The following MTHFD1L variants were observed in gnomAD, a reference collection of about 807,000 sequenced individuals.
The protein encoded by MTHFD1L is methylenetetrahydrofolate dehydrogenase (NADP+ dependent) 1 like.
MTHFD1L carries 81 observed loss-of-function variants against 119.5 expected under a neutral mutation model. The observed-to-expected ratio is 0.68, with a 90% CI of 0.57 to 0.82. The LOEUF (loss-of-function observed/expected upper bound fraction) is 0.82. Ranked by LOEUF, MTHFD1L falls within the 40% of genes least tolerant of loss-of-function variation. The pLI, the probability that MTHFD1L is intolerant of heterozygous loss-of-function variation, is 0.00. For missense variants in MTHFD1L, 1,125 were observed against 1,253.4 expected (o/e 0.90, Z 1.55); for synonymous variants, 430 against 475.2 (o/e 0.90, Z 1.24).
rs1227078705 is a variant in MTHFD1L at position 151,039,944 on chromosome 6, ACATGCATACATG to A, written c.2847+2831_2847+2842del. ...TACATACATACATACATACATACAT[ACATGCATACATG>A]CATACATGCATACATAGAATGGCCT... On this transcript the variant is annotated intron_variant, in intron 26 of 27. Transcript: ENST00000367321. This position sits in a 1 kb window ranked among gnomAD's most constrained non-coding sequence, Gnocchi z 4.4. 1.4e-5 allele frequency among the ~76,000 whole-genome samples: 2 copies of A among 144,122 alleles called. No individual in the cohort carries two copies. Among genetic ancestry groups the A allele is most frequent in the Admixed American group, 7.5e-5 (1 of 13,248 alleles). 94.5% of individuals were successfully genotyped at this position (144,122 alleles called of 152,430 possible).
At chr6:150,974,089 A>G (rs1432028646) in intron 20 of MTHFD1L, among the ~76,000 whole-genome samples, 1 of 152,190 alleles carries the variant, frequency 6.6e-6, no homozygotes, top group Admixed American at 6.5e-5. Context: ...AGATGGTTCA[A>G]AGGGCAAGCC....
At chr6:150,919,328 A>G (rs1046399048) in intron 9 of MTHFD1L, among the ~76,000 whole-genome samples, 1 of 151,476 alleles carries the variant, frequency 6.6e-6, no homozygotes, top group African/African-American at 2.4e-5. Flanking sequence ...GGTTTAAGAG[A>G]TTCTCATGCC....
At chr6:150,867,282 C>G (rs777752227) in intron 1 of MTHFD1L, among the ~76,000 whole-genome samples, 3 of 152,200 alleles carry the variant, frequency 2.0e-5, no homozygotes, top group Non-Finnish European at 4.4e-5. Context: ...GCCTCCGCCT[C>G]CTGGGCTCAA....
intron 1 of MTHFD1L, chr6:150,866,558 T>G (rs112823321): frequency 1.6e-6 from 2 of 1,236,466 alleles, no homozygotes; most frequent in African/African-American, 1.6e-5. Context: ...CCTGGTGTTG[T>G]GCGCCCTTCC....
intron 26 of MTHFD1L, among the ~76,000 whole-genome samples, chr6:151,038,415 G>T (rs892238459): frequency 1.3e-5 from 2 of 152,102 alleles, no homozygotes; most frequent in Admixed American, 6.5e-5. Context: ...TGGATGAGGG[G>T]GGGTGGCTGG....
chr6:151,038,543 GGGTTTTTTGTTTGTTTGTTTCTT>G (rs1283351060), intron 26 of MTHFD1L, among the ~76,000 whole-genome samples: 1 of 152,032 alleles, frequency 6.6e-6, no homozygotes, highest in East Asian at 1.9e-4. Context: ...ACGGTAGGGT[GGGTTTTTTGTTTGTTTGTTTCTT>G]GGTTTTTTGT....
chr6:150,895,830 A>G (rs1482935270), intron 7 of MTHFD1L, among the ~76,000 whole-genome samples: 1 of 152,224 alleles, frequency 6.6e-6, no homozygotes, highest in Non-Finnish European at 1.5e-5. Context: ...ACTGCACTAC[A>G]TTAGTGAGTT....
chr6:151,052,575 G>A (rs955056880), intron 26 of MTHFD1L, among the ~76,000 whole-genome samples: 6 of 152,222 alleles, frequency 3.9e-5, no homozygotes, highest in Admixed American at 1.3e-4. Context: ...GCAGTGGGCA[G>A]GAGCCTGACT....
intron 11 of MTHFD1L, among the ~76,000 whole-genome samples, chr6:150,929,591 C>T (rs777198171): frequency 6.6e-6 from 1 of 152,234 alleles, no homozygotes; most frequent in African/African-American, 2.4e-5. Flanking sequence ...CCTCCAGCCT[C>T]ATGCTGGAGA....
At chr6:151,077,878 T>C (rs1482985679) in intron 26 of MTHFD1L, among the ~76,000 whole-genome samples, 43 of 151,008 alleles carry the variant, frequency 2.8e-4, no homozygotes, top group African/African-American at 8.3e-4. Flanking sequence ...GGTGAAACCC[T>C]GTCTCTACTA....
chr6:150,957,012 A>G (rs1795745705), intron 17 of MTHFD1L, among the ~76,000 whole-genome samples: 1 of 152,226 alleles, frequency 6.6e-6, no homozygotes, highest in Non-Finnish European at 1.5e-5. Flanking sequence ...GGAAGATGGA[A>G]TTAGATTGAT....
intron 18 of MTHFD1L, among the ~76,000 whole-genome samples, chr6:150,964,157 A>G (rs1029158292): frequency 1.3e-5 from 2 of 152,234 alleles, no homozygotes; most frequent in African/African-American, 4.8e-5. Context: ...TTCTCAAAAA[A>G]AGAAAGAAAA....
intron 16 of MTHFD1L, among the ~76,000 whole-genome samples, chr6:150,951,407 G>T (rs766552152): frequency 1.4e-4 from 21 of 152,124 alleles, no homozygotes; most frequent in Non-Finnish European, 2.2e-4. Context: ...TGTCTCAAAA[G>T]AATTTTAAAA....
At chr6:150,883,913 G>A (rs1342559311) in intron 5 of MTHFD1L, among the ~76,000 whole-genome samples, 1 of 152,104 alleles carries the variant, frequency 6.6e-6, no homozygotes, top group Non-Finnish European at 1.5e-5. Context: ...GGCTGGATGG[G>A]GAGGCTACCA....
At chr6:151,060,621 C>T (rs1042179689) in intron 26 of MTHFD1L, among the ~76,000 whole-genome samples, 1 of 152,194 alleles carries the variant, frequency 6.6e-6, no homozygotes, top group Non-Finnish European at 1.5e-5. Flanking sequence ...AGAACAGACT[C>T]ACCAGGGGTC....
At chr6:151,069,947 C>A (rs1791774197) in intron 26 of MTHFD1L, among the ~76,000 whole-genome samples, 1 of 152,226 alleles carries the variant, frequency 6.6e-6, no homozygotes, top group Admixed American at 6.5e-5. Context: ...TGAGTACATG[C>A]TGCTTTTATG....
At chr6:150,974,997 C>A (rs530736848) in intron 20 of MTHFD1L, among the ~76,000 whole-genome samples, 1 of 152,226 alleles carries the variant, frequency 6.6e-6, no homozygotes, top group Admixed American at 6.5e-5. Flanking sequence ...ATCAGCCTCC[C>A]AAAGTGCTGG....
At chr6:151,050,746 T>C (rs1309716257) in intron 26 of MTHFD1L, among the ~76,000 whole-genome samples, 1 of 152,058 alleles carries the variant, frequency 6.6e-6, no homozygotes, top group African/African-American at 2.4e-5. Flanking sequence ...CCATACACAT[T>C]TGGTCACAGA....
At chr6:150,888,086 A>G in intron 7 of MTHFD1L, 105 bp downstream of exon 7, 1 of 1,252,428 alleles carries the variant, frequency 8.0e-7, no homozygotes, top group South Asian at 1.9e-5. Flanking sequence ...TAGAGGAAGA[A>G]AATTGAATAG....
Sources: allele counts gnomAD v4.1 joint callset (sites outside exome capture counted in the v4.1 genomes callset), GRCh38; gene constraint gnomAD v4.1.1; non-coding constraint Gnocchi (gnomAD v3.1); transcripts MANE v1.5; gene names NCBI Gene and HGNC (gene_info 2026-07-23, HGNC 2026-07-21).